The following RNF180 variants were observed in gnomAD, a reference collection of about 807,000 sequenced individuals.
RNF180 encodes E3 ubiquitin-protein ligase RNF180.
Under a neutral mutation model 59.2 loss-of-function variants are expected in RNF180, and 38 were observed. That is an observed-to-expected ratio of 0.64 (90% CI 0.50 to 0.84). The LOEUF (loss-of-function observed/expected upper bound fraction) is 0.84, where lower values mean the gene tolerates loss of function less well. Among genes scored for constraint, RNF180 ranks in the 40% least tolerant of loss-of-function variants. RNF180 has a pLI of 0.00. For synonymous variants in RNF180, 262 were observed against 240.3 expected, an observed-to-expected ratio of 1.09 and a Z score of -0.84; for missense variants, 705 against 700.9, an observed-to-expected ratio of 1.01 and a Z score of -0.07.
chr5:64,280,714 A>C (rs1741968419), intron 5 of RNF180, among the ~76,000 whole-genome samples: 1 of 151,992 alleles, frequency 6.6e-6, no homozygotes, highest in Non-Finnish European at 1.5e-5. Flanking sequence ...GTAGCCTTGT[A>C]GTATAGTTTA....
At position 64,372,690 on chromosome 5, in the gene RNF180, G is replaced by A. The variant is rs1204302517; in HGVS notation, c.*2876G>A. 1.3e-5 allele frequency: 2 copies of A among 151,898 alleles called. No homozygotes were observed. The highest frequency in any genetic ancestry group is 4.8e-5 in the African/African-American group (2 of 41,412). The allele number at this position is 151,898 out of a possible 1,614,324, so 9.4% of individuals were successfully genotyped here. ...CAGTTGGAGTCTTTGATTCTTCACA[G>A]AATTCTGTAGTTGAAGCCAGAAAAC... On this transcript the variant is annotated 3_prime_UTR_variant, in exon 8 of 8. Transcript: ENST00000389100.
intron 5 of RNF180, among the ~76,000 whole-genome samples, chr5:64,316,041 C>A (rs1459650426): frequency 6.6e-6 from 1 of 152,076 alleles, no homozygotes; most frequent in Non-Finnish European, 1.5e-5. Context: ...ATTGCCAACA[C>A]AGTGAAAAGG....
At chr5:64,202,591 G>A (rs958225796) in intron 2 of RNF180, among the ~76,000 whole-genome samples, 1 of 151,886 alleles carries the variant, frequency 6.6e-6, no homozygotes, top group African/African-American at 2.4e-5. Flanking sequence ...GTTCACTTTC[G>A]GTAGCAACAT....
intron 1 of RNF180, among the ~76,000 whole-genome samples, chr5:64,187,943 C>G (rs1443520007): frequency 6.6e-6 from 1 of 152,146 alleles, no homozygotes; most frequent in Admixed American, 6.5e-5. Flanking sequence ...GTTTTTGCAG[C>G]ATTTCACAGA....
chr5:64,298,024 G>C (rs1742974768), intron 5 of RNF180, among the ~76,000 whole-genome samples: 1 of 151,882 alleles, frequency 6.6e-6, no homozygotes, highest in African/African-American at 2.4e-5. Context: ...GTACCCATTA[G>C]TTATTTTTCC....
rs1344223252 is a variant in RNF180, at chr5:64,224,059, T to TGG, written c.1227+6666_1227+6667dup. 3.4e-4 allele frequency among the ~76,000 whole-genome samples: 44 copies of TGG among 127,616 alleles called. 1 individual carries two copies. The highest frequency in any genetic ancestry group is 1.3e-3 in the Admixed American group (17 of 12,628). The allele number at this position is 127,616 out of a possible 152,430, so 83.7% of individuals were successfully genotyped here. ...TAGATTTTCTTCAGTTGATCTAGGTTGGGGTGTGTGTGTGTGTGTGTGTGT... is the reference window on the plus strand; with the variant it reads ...TAGATTTTCTTCAGTTGATCTAGGTTGGGGGGTGTGTGTGTGTGTGTGTGTGT... On this transcript the variant is annotated intron_variant, in intron 5 of 7. Transcript: ENST00000389100.
chr5:64,222,596 A>T (rs1741412434), intron 5 of RNF180, among the ~76,000 whole-genome samples: 3 of 152,194 alleles, frequency 2.0e-5, no homozygotes, highest in African/African-American at 7.2e-5. Flanking sequence ...CTCAGTAGCT[A>T]AGGTTTTTAT....
intron 1 of RNF180, among the ~76,000 whole-genome samples, chr5:64,167,652 A>T (rs763476414): frequency 9.2e-5 from 14 of 152,222 alleles, no homozygotes; most frequent in Non-Finnish European, 1.3e-4. Context: ...TATTTCTGTA[A>T]TATGACATAG....
chr5:64,364,833 T>C (rs1746386333), intron 7 of RNF180, among the ~76,000 whole-genome samples: 1 of 151,778 alleles, frequency 6.6e-6, no homozygotes, highest in African/African-American at 2.4e-5. Flanking sequence ...CCATTTGTTG[T>C]AGATTTTCTA....
chr5:64,323,409 C>T (rs577112565), intron 5 of RNF180, among the ~76,000 whole-genome samples: 84 of 152,116 alleles, frequency 5.5e-4, no homozygotes, highest in Non-Finnish European at 1.1e-3. Flanking sequence ...GGCACCATGC[C>T]GCATGCCTGT....
At chr5:64,292,377 T>C (rs1261129722) in intron 5 of RNF180, among the ~76,000 whole-genome samples, 1 of 152,208 alleles carries the variant, frequency 6.6e-6, no homozygotes, top group East Asian at 1.9e-4. Flanking sequence ...CATTATTTTA[T>C]AGGGCTGCTG....
chr5:64,276,653 C>A (rs1741737016), intron 5 of RNF180, among the ~76,000 whole-genome samples: 2 of 151,532 alleles, frequency 1.3e-5, no homozygotes, highest in South Asian at 4.2e-4. Context: ...TCTCACCTAC[C>A]TAGAAATCAG....
chr5:64,343,035 C>T (rs182276827), intron 7 of RNF180, among the ~76,000 whole-genome samples: 1 of 152,086 alleles, frequency 6.6e-6, no homozygotes, highest in Non-Finnish European at 1.5e-5. Context: ...AGGTCCAGTC[C>T]TCTCTGGAGG....
intron 1 of RNF180, among the ~76,000 whole-genome samples, chr5:64,192,934 TATATAA>T (rs1256990568): frequency 2.6e-4 from 30 of 117,620 alleles, no homozygotes; most frequent in African/African-American, 9.5e-4. Flanking sequence ...TATATATATA[TATATAA>T]AATGAAACAT....
intron 5 of RNF180, among the ~76,000 whole-genome samples, chr5:64,259,213 G>A (rs1212434571): frequency 6.6e-6 from 1 of 152,118 alleles, no homozygotes; most frequent in Non-Finnish European, 1.5e-5. Flanking sequence ...GGGAGGAAAA[G>A]GTTTCATGCA....
At chr5:64,351,269 G>T (rs1745799308) in intron 7 of RNF180, among the ~76,000 whole-genome samples, 1 of 152,072 alleles carries the variant, frequency 6.6e-6, no homozygotes, top group African/African-American at 2.4e-5. Context: ...TCCTGAGACT[G>T]CTGAAGTTGC....
At chr5:64,303,782 G>A (rs541105045) in intron 5 of RNF180, among the ~76,000 whole-genome samples, 2 of 151,698 alleles carry the variant, frequency 1.3e-5, no homozygotes, top group Non-Finnish European at 3.0e-5. Flanking sequence ...TTATCTAGAA[G>A]GTCTAGCTAA....
intron 1 of RNF180, among the ~76,000 whole-genome samples, chr5:64,190,042 T>C (rs1337600977): frequency 6.6e-6 from 1 of 152,288 alleles, no homozygotes; most frequent in African/African-American, 2.4e-5. Flanking sequence ...AGTTTGAGTA[T>C]AGGGCCATCT....
Position 64,372,180 on chromosome 5 carries a change from A to G in RNF180, c.*2366A>G, listed in dbSNP as rs1746679600. The G allele has an allele frequency of 6.6e-6, 1 of 151,708 alleles. No individual in the cohort carries two copies. The highest frequency in any genetic ancestry group is 1.5e-5 in the Non-Finnish European group (1 of 67,834). The allele number at this position is 151,708 out of a possible 1,614,324, so 9.4% of individuals were successfully genotyped here. On this transcript the variant is annotated 3_prime_UTR_variant, in exon 8 of 8. Coordinates refer to ENST00000389100, the MANE Select transcript of RNF180 (RefSeq NM_001113561.2). ...AGGTTAATTTTAAACATGTTCACAC[A>G]TTCTTTTTTAAAAAAATGCCCTAAT...
Sources: gnomAD v4.1 joint callset for allele counts (sites outside exome capture counted in the v4.1 genomes callset) on GRCh38, gnomAD v4.1.1 for gene constraint, MANE v1.5 for transcripts, NCBI Gene and HGNC (gene_info 2026-07-23, HGNC 2026-07-21) for gene names.